Variants in RGS7BP observed in about 807,000 individuals in gnomAD.
RGS7BP encodes the protein regulator of G protein signaling 7-binding protein.
A neutral mutation model predicts 31.3 loss-of-function variants in RGS7BP; 9 were observed. That is an observed-to-expected ratio of 0.29 (90% confidence interval 0.17 to 0.50). The LOEUF (loss-of-function observed/expected upper bound fraction) is 0.50, where lower values mean the gene tolerates loss of function less well. RGS7BP is among the 20% of genes least tolerant of loss of function. The pLI is 0.98. For synonymous variants in RGS7BP, 115 were observed against 120.1 expected (o/e 0.96, Z 0.28); for missense variants, 274 against 322.0 (o/e 0.85, Z 1.14).
Position 64,575,792 on chromosome 5 carries a change from C to A in RGS7BP, c.351C>A (p.Ile117=), listed in dbSNP as rs1426126328. ...GTTGCAGCCCGGAAGATGGTGAGATCCATCCAGAAATCTGTCGGCTTTACA... is the reference window on the plus strand; with the variant it reads ...GTTGCAGCCCGGAAGATGGTGAGATACATCCAGAAATCTGTCGGCTTTACA... The part of the protein sequence containing the change: ...AAISGPEDGE[I]HPEICRLYIQ... The change falls in exon 3 of 6, where the codon ATC becomes ATA. Residue 117 remains isoleucine, a synonymous_variant. Transcript: ENST00000334025. 6.2e-7 allele frequency: 1 copy of A among 1,611,072 alleles called. No homozygotes were observed. Among genetic ancestry groups the A allele is most frequent in the Non-Finnish European group, 8.5e-7 (1 of 1,178,702 alleles).
At chr5:64,520,896 G>A (rs1278184170) in intron 2 of RGS7BP, among the ~76,000 whole-genome samples, 2 of 152,226 alleles carry the variant, frequency 1.3e-5, no homozygotes, top group Non-Finnish European at 2.9e-5. Flanking sequence ...GAGGCTGGGA[G>A]AAAAGATGGG....
chr5:64,573,586 C>T (rs1240648801), intron 2 of RGS7BP: 1 of 151,878 alleles, frequency 6.6e-6, no homozygotes, highest in Non-Finnish European at 1.5e-5. Context: ...GCATCACATA[C>T]ACTAAAATTG....
At chr5:64,534,949 G>A (rs185389560) in intron 2 of RGS7BP, among the ~76,000 whole-genome samples, 50 of 152,302 alleles carry the variant, frequency 3.3e-4, no homozygotes, top group South Asian at 2.9e-3. Context: ...CAGCAAAGGC[G>A]ACTGAGTAGG....
At chr5:64,512,370 C>T (rs546246632) in intron 2 of RGS7BP, among the ~76,000 whole-genome samples, 1 of 152,276 alleles carries the variant, frequency 6.6e-6, no homozygotes, top group African/African-American at 2.4e-5. Context: ...CAGATTGATT[C>T]ACAGAGTGGT....
chr5:64,575,964 G>T, intron 3 of RGS7BP, 60 bp downstream of exon 3: 1 of 1,524,876 alleles, frequency 6.6e-7, no homozygotes, highest in Non-Finnish European at 8.9e-7. Flanking sequence ...CTAATCTTTG[G>T]CAAAGTGTCC....
chr5:64,558,495 G>A (rs374991503), intron 2 of RGS7BP, among the ~76,000 whole-genome samples: 132 of 151,784 alleles, frequency 8.7e-4, no homozygotes, highest in African/African-American at 3.0e-3. Context: ...TCTTAATCCC[G>A]TCACCTTCAT....
At chr5:64,555,413 T>C (rs1035761359) in intron 2 of RGS7BP, among the ~76,000 whole-genome samples, 1 of 152,166 alleles carries the variant, frequency 6.6e-6, no homozygotes, top group Non-Finnish European at 1.5e-5. Flanking sequence ...TTTTACATAG[T>C]TGAACCTGTT....
At chr5:64,545,531 T>G (rs1311471508) in intron 2 of RGS7BP, among the ~76,000 whole-genome samples, 3 of 152,126 alleles carry the variant, frequency 2.0e-5, no homozygotes, top group African/African-American at 7.2e-5. Flanking sequence ...CTAGCTATAC[T>G]GTAGAGAATA....
At chr5:64,597,412 G>T (rs553910982) in intron 4 of RGS7BP, among the ~76,000 whole-genome samples, 2 of 152,054 alleles carry the variant, frequency 1.3e-5, no homozygotes, top group East Asian at 1.9e-4. Context: ...CCCAGGTGGG[G>T]TTGTTTTCCC....
At chr5:64,578,462 C>A (rs974229194) in intron 3 of RGS7BP, among the ~76,000 whole-genome samples, 9 of 152,168 alleles carry the variant, frequency 5.9e-5, no homozygotes, top group African/African-American at 2.2e-4. Context: ...TGCCTGGATC[C>A]TATCCAAGGA....
At chr5:64,540,953 G>T (rs1741513252) in intron 2 of RGS7BP, among the ~76,000 whole-genome samples, 1 of 152,200 alleles carries the variant, frequency 6.6e-6, no homozygotes, top group Non-Finnish European at 1.5e-5. Context: ...TTAGTCAGTG[G>T]CTAGTGATTC....
In RGS7BP at chr5:64,575,763, T is replaced by C. The variant is rs1488061423; in HGVS notation, c.333-11T>C. 2 of 1,600,908 alleles carry C rather than the reference T, an allele frequency of 1.2e-6. No homozygotes were observed. The stretch of plus-strand genomic sequence containing the variant: ...GAATGTTCACAGCTTTTCTCTTTCA[T>C]TCTGTTGCAGCCCGGAAGATGGTGA... On this transcript the variant is annotated splice_polypyrimidine_tract_variant and intron_variant, in intron 2 of 5. Transcript: ENST00000334025.
intron 2 of RGS7BP, among the ~76,000 whole-genome samples, chr5:64,558,420 T>C (rs72754877): frequency 0.21 from 31,265 of 152,092 alleles, 3,949 homozygotes; most frequent in South Asian, 0.35. Flanking sequence ...AAAGATTTCA[T>C]TGACATCTTA....
chr5:64,509,361 C>T (rs1748772528), intron 2 of RGS7BP, among the ~76,000 whole-genome samples: 1 of 152,144 alleles, frequency 6.6e-6, no homozygotes, highest in South Asian at 2.1e-4. Context: ...GATGGGATTG[C>T]ATTTAGGATC....
intron 2 of RGS7BP, among the ~76,000 whole-genome samples, chr5:64,545,376 A>G (rs772878719): frequency 2.0e-5 from 3 of 152,084 alleles, no homozygotes; most frequent in Non-Finnish European, 2.9e-5. Context: ...ACAAACCTGC[A>G]CGTTGTGCAC....
At chr5:64,565,674 C>T (rs147709698) in intron 2 of RGS7BP, among the ~76,000 whole-genome samples, 65 of 152,044 alleles carry the variant, frequency 4.3e-4, no homozygotes, top group African/African-American at 7.5e-4. Context: ...TGTTTTATTT[C>T]GTAGGTACCA....
chr5:64,509,155 G>A (rs1580380574), intron 2 of RGS7BP, among the ~76,000 whole-genome samples: 2 of 152,144 alleles, frequency 1.3e-5, no homozygotes, highest in African/African-American at 4.8e-5. Context: ...TCAGGAGTTT[G>A]GTGAAGAAAT....
intron 5 of RGS7BP, among the ~76,000 whole-genome samples, chr5:64,608,370 C>T (rs1177727688): frequency 6.6e-6 from 1 of 151,970 alleles, no homozygotes; most frequent in Non-Finnish European, 1.5e-5. Context: ...CTGTCATCAT[C>T]CTAAAAATTT....
At chr5:64,558,229 C>T (rs1175811422) in intron 2 of RGS7BP, among the ~76,000 whole-genome samples, 1 of 152,094 alleles carries the variant, frequency 6.6e-6, no homozygotes, top group Non-Finnish European at 1.5e-5. Flanking sequence ...TTTCTCTCCA[C>T]GTGTTGTCTT....
Sources: gnomAD v4.1 joint callset for allele counts (sites outside exome capture counted in the v4.1 genomes callset) on GRCh38, gnomAD v4.1.1 for gene constraint, MANE v1.5 for transcripts, NCBI Gene and HGNC (gene_info 2026-07-23, HGNC 2026-07-21) for gene names.